The following MOGAT3 variants were observed in gnomAD, a reference collection of about 807,000 sequenced individuals.
The protein encoded by MOGAT3 is monoacylglycerol O-acyltransferase 3, also known as 2-acylglycerol O-acyltransferase 3.
In MOGAT3, 39 loss-of-function variants were observed where a neutral mutation model predicts 34.4. The observed-to-expected ratio is 1.13, with a 90% CI of 0.88 to 1.48. The LOEUF is 1.48. Among genes scored for constraint, MOGAT3 ranks in the 40% most tolerant of loss-of-function variants. MOGAT3 has a pLI of 0.00. For missense variants in MOGAT3, 439 were observed against 438.9 expected, an observed-to-expected ratio of 1.00 and a Z score of 0.00; for synonymous variants, 209 against 179.2, an observed-to-expected ratio of 1.17 and a Z score of -1.33.
Position 101,198,776 on chromosome 7 carries a change from G to A in MOGAT3, c.343C>T (p.Pro115Ser), listed in dbSNP as rs1332913972. 5 of 1,613,906 alleles carry A rather than the reference G, an allele frequency of 3.1e-6. No homozygotes were observed. The highest frequency in any genetic ancestry group is 4.2e-6 in the Non-Finnish European group (5 of 1,180,020). ...AAGCCTGTACACATGATCCCATGAG[G>A]GTGGGCGCCCAGCACGTAGTTCCGA... Reference protein sequence around the residue: ...PDRNYVLGAHPHGIMCTGFLC... With the variant: ...PDRNYVLGAHSHGIMCTGFLC... Residue 115 changes from proline to serine, a missense_variant, in exon 4 of 7, where the codon CCT (proline) becomes TCT (serine). Transcript: ENST00000223114.
At chr7:101,198,601 G>A (rs1318958018) in intron 4 of MOGAT3, 25 bp downstream of exon 4, 5 of 1,601,944 alleles carry the variant, frequency 3.1e-6, no homozygotes, top group Non-Finnish European at 4.3e-6. Flanking sequence ...GTCTCCTCCC[G>A]TTCTCCTCCT....
At chr7:101,193,468 C>T (rs1157046449), downstream of MOGAT3, among the ~76,000 whole-genome samples, 1 of 151,940 alleles carries the variant, frequency 6.6e-6, no homozygotes, top group Non-Finnish European at 1.5e-5. Flanking sequence ...CTTACTCTGT[C>T]GCCCAGGCTG....
chr7:101,197,274 C>T (rs1797816377), intron 5 of MOGAT3, among the ~76,000 whole-genome samples: 1 of 152,226 alleles, frequency 6.6e-6, no homozygotes, highest in Admixed American at 6.5e-5. Context: ...CCTCAACCTT[C>T]TCCGCTCAAG....
In MOGAT3 at chr7:101,195,551, T is replaced by A. The variant is rs1797755176; in HGVS notation, c.*395A>T. On this transcript the variant is annotated 3_prime_UTR_variant, in exon 7 of 7. Transcript: ENST00000223114. ...TAACAGTCTTTTTTTTTTTTTTTTT[T>A]TTTTTTTTGAGATTGAGTCTCGCTG... The A allele has an allele frequency of 7.1e-6, 1 of 140,940 alleles. No individual in the cohort carries two copies. Among genetic ancestry groups the A allele is most frequent in the African/African-American group, 2.8e-5 (1 of 36,330 alleles). 8.7% of individuals were successfully genotyped at this position (140,940 alleles called of 1,614,324 possible). A position where few individuals can be genotyped will look rare whatever the true frequency, so the allele number is the denominator to read the frequency against.
Position 101,198,274 on chromosome 7 carries a change from G to T in MOGAT3, c.585C>A (p.His195Gln), listed in dbSNP as rs143164243. ...CCCCGGGGACTGAATACAGGGCCTC[G>T]TGCGCACCCCCCACCATGATGACCA... The part of the protein sequence containing the change: ...QAVVIMVGGA[H>Q]EALYSVPGEH... Residue 195 changes from histidine (H) to glutamine (Q), a missense_variant, in exon 5 of 7, where the codon CAC becomes CAA. His to Gln is a conservative substitution (Grantham distance 24, BLOSUM62 0). Transcript: ENST00000223114. The T allele has an allele frequency of 3.7e-6, 6 of 1,611,162 alleles. No individual in the cohort carries two copies. The African/African-American group carries it at 5.3e-5, about 14-fold the overall frequency.
chr7:101,196,136 C>T, intron 6 of MOGAT3, 36 bp from the exon 7 acceptor site: 1 of 1,582,306 alleles, frequency 6.3e-7, no homozygotes, highest in Non-Finnish European at 8.6e-7. Flanking sequence ...CGAGGGATCC[C>T]TGATGCCCAC....
intron 3 of MOGAT3, among the ~76,000 whole-genome samples, chr7:101,199,919 C>A (rs1797905817): frequency 6.6e-6 from 1 of 151,954 alleles, no homozygotes; most frequent in Non-Finnish European, 1.5e-5. Context: ...CATGTTGAAA[C>A]CCTGTCTCTA....
Position 101,200,501 on chromosome 7 carries a change from G to A in MOGAT3, c.124C>T (p.Leu42Phe), listed in dbSNP as rs1247973610. 1 of 1,596,202 alleles carries A rather than the reference G, an allele frequency of 6.3e-7. No homozygotes were observed. Among genetic ancestry groups the A allele is most frequent in the Non-Finnish European group, 8.5e-7 (1 of 1,170,874 alleles). ...GTGAAGAGGAGGACAAAGACAAGAA[G>A]GGAGAAGAAAGGGCCTGGGGGAAGG... ...TFLFMGPFFS[L>F]LVFVLLFTSL... The change falls in exon 2 of 7, where the codon CTT (leucine) becomes TTT (phenylalanine). Residue 42 changes from leucine to phenylalanine, a missense_variant. By Grantham distance (22) the Leu-to-Phe change is conservative. Transcript: ENST00000223114.
At chr7:101,199,363 A>C (rs2116773611) in intron 3 of MOGAT3, among the ~76,000 whole-genome samples, 1 of 151,286 alleles carries the variant, frequency 6.6e-6, no homozygotes, top group African/African-American at 2.4e-5. Flanking sequence ...CCTAGGCTGG[A>C]GTGCAATGGC....
chr7:101,200,057 C>T (rs1171548784), intron 3 of MOGAT3, among the ~76,000 whole-genome samples, 177 bp downstream of exon 3: 1 of 151,404 alleles, frequency 6.6e-6, no homozygotes, highest in Non-Finnish European at 1.5e-5. Flanking sequence ...TGCACCACTG[C>T]ACTCCAGCCT....
At chr7:101,197,754 G>T (rs1412473090) in intron 5 of MOGAT3, among the ~76,000 whole-genome samples, 3 of 152,088 alleles carry the variant, frequency 2.0e-5, no homozygotes, top group African/African-American at 7.2e-5. Context: ...ACAAAAATTA[G>T]CCCGGAGTGG....
Position 101,196,280 on chromosome 7 carries a change from T to C in MOGAT3, c.778A>G (p.Met260Val), listed in dbSNP as rs780821808. The C allele has an allele frequency of 1.2e-6, 2 of 1,613,018 alleles. No individual in the cohort carries two copies. The highest frequency in any genetic ancestry group is 1.7e-6 in the Non-Finnish European group (2 of 1,179,458). ...CAGAAGATGCAAGGAGAGAAGCCCA[T>C]GAGCTTCTTGAAGGTGAGCTGGCAC... ...HWCQLTFKKL[M>V]GFSPCIFWGR... The change falls in exon 6 of 7, where the codon ATG becomes GTG. Residue 260 changes from methionine to valine, a missense_variant. Physicochemically the swap from Met to Val is conservative, Grantham distance 21. Coordinates refer to ENST00000223114, the MANE Select transcript of MOGAT3 (RefSeq NM_178176.4).
At position 101,196,084 on chromosome 7, in the gene MOGAT3, G is replaced by A. The variant is rs781425954; in HGVS notation, c.888C>T (p.Pro296=). 10 of 1,610,830 alleles carry A rather than the reference G, an allele frequency of 6.2e-6. No homozygotes were observed. The highest frequency in any genetic ancestry group is 1.7e-5 in the Admixed American group (1 of 59,516). Residue 296 remains proline, a synonymous_variant, in exon 7 of 7, where the codon CCC becomes CCT. Coordinates refer to ENST00000223114, the MANE Select transcript of MOGAT3 (RefSeq NM_178176.4). ...CGGTGGGGTGGAGGCGCTGGGGGACGGGGATGGGGCGGCCCACTGCAGGGA... is the reference window on the plus strand; with the variant it reads ...CGGTGGGGTGGAGGCGCTGGGGGACAGGGATGGGGCGGCCCACTGCAGGGA... ...PITTVVGRPI[P]VPQRLHPTEE...
intron 5 of MOGAT3, 60 bp from the exon 6 acceptor site, chr7:101,196,449 C>T (rs73408441): frequency 1.1e-5 from 14 of 1,272,180 alleles, no homozygotes; most frequent in Non-Finnish European, 1.4e-5. Context: ...GAGATGGGCA[C>T]CCCCAGGGGC....
chr7:101,199,426 C>A (rs1211696300), intron 3 of MOGAT3, among the ~76,000 whole-genome samples: 2 of 152,098 alleles, frequency 1.3e-5, no homozygotes, highest in Non-Finnish European at 2.9e-5. Flanking sequence ...AATTCTCCTG[C>A]CTCAGCCTCC....
At chr7:101,194,811 T>C (rs1797741291), downstream of MOGAT3, among the ~76,000 whole-genome samples, 2 of 152,072 alleles carry the variant, frequency 1.3e-5, no homozygotes, top group Non-Finnish European at 2.9e-5. Context: ...TCAGCTGTGT[T>C]CTTAACTCTA....
intron 1 of MOGAT3, 70 bp from the exon 2 acceptor site, chr7:101,200,585 C>G (rs1797931078): frequency 1.5e-6 from 2 of 1,364,120 alleles, no homozygotes; most frequent in Non-Finnish European, 2.0e-6. Context: ...TGCTCCCTTC[C>G]CTTCCTCCCC....
At position 101,196,195 on chromosome 7, in the gene MOGAT3, G is replaced by T; in HGVS notation, c.863C>A (p.Thr288Asn). The T allele has an allele frequency of 1.3e-6, 2 of 1,575,960 alleles. No individual in the cohort carries two copies. The highest frequency in any genetic ancestry group is 1.7e-6 in the Non-Finnish European group (2 of 1,160,426). ...WGLLPFAVPI[T>N]TVVGRPIPVP... ...CGGAGGTGGGCACTCACCCACAGTGGTGATGGGCACAGCAAAGGGCAGCAG... is the reference window on the plus strand; with the variant it reads ...CGGAGGTGGGCACTCACCCACAGTGTTGATGGGCACAGCAAAGGGCAGCAG... The change falls in exon 6 of 7, where the codon ACC becomes AAC. Residue 288 changes from threonine to asparagine, a missense_variant. Thr to Asn is a moderately conservative substitution (Grantham distance 65, BLOSUM62 0). Transcript: ENST00000223114.
At chr7:101,200,336 C>T in intron 2 of MOGAT3, 32 bp from the exon 3 acceptor site, 1 of 1,612,060 alleles carries the variant, frequency 6.2e-7, no homozygotes, top group Non-Finnish European at 8.5e-7. Context: ...TGGACGAACC[C>T]CCGGAGTCAC....
Sources: gnomAD v4.1 joint callset for allele counts (sites outside exome capture counted in the v4.1 genomes callset) on GRCh38, gnomAD v4.1.1 for gene constraint, MANE v1.5 for transcripts, NCBI Gene and HGNC (gene_info 2026-07-23, HGNC 2026-07-21) for gene names.